The following ATP8B1 variants were observed in gnomAD, a reference collection of about 807,000 sequenced individuals.
ATP8B1 encodes the protein phospholipid-transporting ATPase IC.
Under a neutral mutation model 149.9 loss-of-function variants are expected in ATP8B1, and 80 were observed. The observed-to-expected ratio is 0.53, with a 90% confidence interval of 0.45 to 0.64. ATP8B1 has a LOEUF of 0.64. ATP8B1 is among the 30% of genes least tolerant of loss of function. The pLI is 0.00. For missense variants in ATP8B1, 1,247 were observed against 1,552.6 expected, an observed-to-expected ratio of 0.80 and a Z score of 3.31; for synonymous variants, 536 against 562.8, an observed-to-expected ratio of 0.95 and a Z score of 0.67.
intron 1 of ATP8B1, among the ~76,000 whole-genome samples, chr18:57,732,311 GTGTATATATGTGTATATATGTGTGTA>G (rs2079791091): frequency 3.2e-4 from 1 of 3,166 alleles, no homozygotes; most frequent in South Asian, 0.011. Context: ...GTATATATGT[GTGTATATATGTGTATATATGTGTGTA>G]TATATATGTA....
chr18:57,720,027 C>G (rs1035673884), intron 2 of ATP8B1, among the ~76,000 whole-genome samples: 6 of 151,862 alleles, frequency 4.0e-5, no homozygotes, highest in African/African-American at 1.5e-4. Flanking sequence ...AGACCTGCAG[C>G]TGAGGGTCCT....
intron 1 of ATP8B1, among the ~76,000 whole-genome samples, chr18:57,740,112 T>C (rs998881601): frequency 6.6e-6 from 1 of 152,140 alleles, no homozygotes; most frequent in African/African-American, 2.4e-5. Context: ...TGTTTTGAGA[T>C]GGAGTTTTGC....
In ATP8B1 at chr18:57,759,155, C is replaced by CAAAAAAAAAAAAAAAAAAA. The variant is rs566728161; in HGVS notation, c.-25-27342_-25-27324dup. 1.4e-3 allele frequency among the ~76,000 whole-genome samples: 147 copies of CAAAAAAAAAAAAAAAAAAA among 106,252 alleles called. 2 individuals are homozygous for CAAAAAAAAAAAAAAAAAAA. Among genetic ancestry groups the CAAAAAAAAAAAAAAAAAAA allele is most frequent in the South Asian group, 4.6e-3 (13 of 2,854 alleles). 69.7% of individuals were successfully genotyped at this position (106,252 alleles called of 152,430 possible). ...TGGGCGACAGAACGAGATTCCATCT[C>CAAAAAAAAAAAAAAAAAAA]AAAAAAAAAAAAAAAAAAAAAAAAA... On this transcript the variant is annotated intron_variant, in intron 1 of 27. Transcript: ENST00000648908.
chr18:57,667,011 A>C, intron 20 of ATP8B1, 81 bp downstream of exon 20: 1 of 1,300,320 alleles, frequency 7.7e-7, no homozygotes, highest in South Asian at 1.2e-5. Flanking sequence ...CTATTTCTTC[A>C]TATCTGCTAT....
At chr18:57,695,580 C>G (rs779788555) in intron 8 of ATP8B1, 48 bp from the exon 9 acceptor site, 8 of 1,447,806 alleles carry the variant, frequency 5.5e-6, no homozygotes, top group Non-Finnish European at 6.8e-6. Context: ...TTTTTGAGTT[C>G]AAAGTGGAAG....
intron 20 of ATP8B1, 71 bp from the exon 21 acceptor site, chr18:57,662,686 G>A: frequency 6.5e-7 from 1 of 1,533,816 alleles, no homozygotes; most frequent in Non-Finnish European, 8.9e-7. Context: ...AGATAACTTT[G>A]ACTTAAAAAA....
chr18:57,712,859 T>C (rs1913751848), intron 2 of ATP8B1, among the ~76,000 whole-genome samples: 1 of 151,908 alleles, frequency 6.6e-6, no homozygotes, highest in African/African-American at 2.4e-5. Flanking sequence ...CAGGCCCTAG[T>C]TCCCAGACAA....
intron 1 of ATP8B1, among the ~76,000 whole-genome samples, chr18:57,775,272 T>C (rs1381023667): frequency 6.6e-6 from 1 of 151,864 alleles, no homozygotes; most frequent in Non-Finnish European, 1.5e-5. Flanking sequence ...GCAATGATCA[T>C]GTCATTGCAG....
intron 1 of ATP8B1, chr18:57,738,123 G>A (rs1477887302): frequency 6.6e-6 from 1 of 152,164 alleles, no homozygotes; most frequent in East Asian, 1.9e-4. Context: ...TCTAAATAAT[G>A]ATCCCTAAGG....
intron 16 of ATP8B1, 101 bp downstream of exon 16, chr18:57,674,733 T>C (rs1911487669): frequency 1.5e-6 from 2 of 1,348,438 alleles, no homozygotes; most frequent in African/African-American, 2.9e-5. Context: ...AGGAGCCAAG[T>C]AGCTCTTTCA....
intron 1 of ATP8B1, chr18:57,732,173 ATATATGTGTATATATG>A (rs1568044049): frequency 4.2e-3 from 180 of 42,642 alleles, no homozygotes; most frequent in South Asian, 0.021. Context: ...GTATATATGT[ATATATGTGTATATATG>A]TATATATGTG....
intron 20 of ATP8B1, among the ~76,000 whole-genome samples, chr18:57,665,916 A>G (rs1395968500): frequency 6.6e-6 from 1 of 151,094 alleles, no homozygotes; most frequent in African/African-American, 2.4e-5. Flanking sequence ...ATTTGGGCAC[A>G]TAAACTAAAT....
intron 27 of ATP8B1, among the ~76,000 whole-genome samples, chr18:57,648,960 C>T (rs890905873): frequency 2.0e-5 from 3 of 151,740 alleles, no homozygotes; most frequent in South Asian, 2.1e-4. Flanking sequence ...TGCAATGGCA[C>T]GATCTTGGCT....
intron 16 of ATP8B1, among the ~76,000 whole-genome samples, chr18:57,672,273 C>T (rs750493044): frequency 1.8e-4 from 27 of 152,166 alleles, no homozygotes; most frequent in African/African-American, 5.8e-4. Flanking sequence ...TTTAATACTT[C>T]GACCACAACA....
chr18:57,733,042 A>G (rs2079805183), intron 1 of ATP8B1, among the ~76,000 whole-genome samples: 1 of 152,054 alleles, frequency 6.6e-6, no homozygotes, highest in African/African-American at 2.4e-5. Flanking sequence ...CCTAACTACC[A>G]CTGCCCACTC....
At chr18:57,701,668 C>G (rs1913131198) in intron 4 of ATP8B1, among the ~76,000 whole-genome samples, 1 of 151,398 alleles carries the variant, frequency 6.6e-6, no homozygotes, top group African/African-American at 2.4e-5. Context: ...GTAGGAGTGG[C>G]AAGGGAGAAG....
At chr18:57,704,757 C>T in intron 3 of ATP8B1, 89 bp from the exon 4 acceptor site, 1 of 832,632 alleles carries the variant, frequency 1.2e-6, no homozygotes, top group Non-Finnish European at 2.0e-6. Context: ...CCACAGCTTA[C>T]AGTGACAAAG....
rs753038709 is a variant in ATP8B1, at chr18:57,685,079, T to C, written c.1466A>G (p.Lys489Arg). The change falls in exon 14 of 28, where the codon AAA (lysine) becomes AGA (arginine). Residue 489 changes from lysine to arginine, a missense_variant. Lys to Arg is a conservative substitution (Grantham distance 26). Transcript: ENST00000648908. ...HRDASQHNHN[K>R]IEQVDFSWNT... ...TCGGCTTAAAGGTCTTACCTCTATT[T>C]TGTTGTGGTTGTGTTGAGAGGCATC... is the stretch of plus-strand genomic sequence containing the variant. The C allele has an allele frequency of 1.2e-6, 2 of 1,614,174 alleles. No individual in the cohort carries two copies. The highest frequency in any genetic ancestry group is 1.7e-6 in the Non-Finnish European group (2 of 1,180,024).
rs1347681654 is a variant in ATP8B1 at position 57,667,097 on chromosome 18, A to G, written c.2280T>C (p.Asp760=). ...TACTGCAGGCTTTTACTCACTTAAT[A>G]TCCTCCCCATAGCAGATGGTGGTGT... The part of the protein sequence containing the change: ...TEDTTICYGE[D]INSLLHARME... The change falls in exon 20 of 28, where the codon GAT becomes GAC. Residue 760 remains aspartate (D), a synonymous_variant. Transcript: ENST00000648908. 1 of 1,610,984 alleles carries G rather than the reference A, an allele frequency of 6.2e-7. No individual in the cohort carries two copies.
Sources: gnomAD v4.1 joint callset for allele counts (sites outside exome capture counted in the v4.1 genomes callset) on GRCh38, gnomAD v4.1.1 for gene constraint, MANE v1.5 for transcripts, NCBI Gene and HGNC (gene_info 2026-07-23, HGNC 2026-07-21) for gene names.